Variants in DAGLA observed in about 807,000 individuals in gnomAD.
DAGLA encodes diacylglycerol lipase-alpha.
Under a neutral mutation model 102.6 loss-of-function variants are expected in DAGLA, and 22 were observed. That is an observed-to-expected ratio of 0.21 (90% CI 0.15 to 0.31). The LOEUF (loss-of-function observed/expected upper bound fraction) is 0.31. Among genes scored for constraint, DAGLA ranks in the 10% least tolerant of loss-of-function variants. The pLI, the probability that DAGLA is intolerant of heterozygous loss-of-function variation, is 1.00. For synonymous variants in DAGLA, 578 were observed against 628.9 expected (o/e 0.92, Z 1.21); for missense variants, 927 against 1,446.6 (o/e 0.64, Z 5.83).
intron 9 of DAGLA, among the ~76,000 whole-genome samples, chr11:61,732,368 T>G (rs1237279284): frequency 6.6e-6 from 1 of 152,184 alleles, no homozygotes; most frequent in Non-Finnish European, 1.5e-5. Context: ...GAGCACCTCA[T>G]GCCCCCTTCC....
intron 13 of DAGLA, among the ~76,000 whole-genome samples, 190 bp downstream of exon 13, chr11:61,736,540 G>A (rs1343605375): frequency 1.3e-5 from 2 of 152,178 alleles, no homozygotes; most frequent in Admixed American, 6.5e-5. Flanking sequence ...ATCCTGCTCC[G>A]CCCCACCTAC....
At chr11:61,735,919 C>T in intron 12 of DAGLA, 103 bp downstream of exon 12, 1 of 1,130,920 alleles carries the variant, frequency 8.8e-7, no homozygotes, top group Non-Finnish European at 1.2e-6. Context: ...GCTGGGCTCA[C>T]TGGAAGAGAT....
intron 1 of DAGLA, among the ~76,000 whole-genome samples, chr11:61,696,032 C>G (rs1020434931): frequency 6.6e-6 from 1 of 152,234 alleles, no homozygotes; most frequent in Non-Finnish European, 1.5e-5. Flanking sequence ...GCGGAGGCCT[C>G]GCTCCAGGAC....
At chr11:61,717,279 C>T (rs2065242980) in intron 1 of DAGLA, among the ~76,000 whole-genome samples, 1 of 152,172 alleles carries the variant, frequency 6.6e-6, no homozygotes, top group African/African-American at 2.4e-5. Context: ...CCATTCAAGG[C>T]CCTTAAAAAT....
Position 61,722,902 on chromosome 11 carries a change from C to T in DAGLA, c.351C>T (p.Val117=), listed in dbSNP as rs756347287. The change falls in exon 4 of 20, where the codon GTC becomes GTT. Residue 117 remains valine (V), a synonymous_variant. Transcript: ENST00000257215. ...TCATCTACGCCATCGTGGGCATCGT[C>T]TGGCTCACTCAGTACTACACCTCCT... ...IEFIYAIVGI[V]WLTQYYTSCN... is the part of the protein sequence containing the mutation. 1.4e-5 allele frequency: 23 copies of T among 1,614,052 alleles called. No homozygotes were observed. Among genetic ancestry groups the T allele is most frequent in the Non-Finnish European group, 1.9e-5 (22 of 1,180,020 alleles).
chr11:61,710,671 A>G (rs1424947679), intron 1 of DAGLA, among the ~76,000 whole-genome samples: 2 of 152,094 alleles, frequency 1.3e-5, no homozygotes, highest in African/African-American at 2.4e-5. Flanking sequence ...TGGAAGGGTG[A>G]GGGCAGGTGT....
chr11:61,726,144 G>A, intron 6 of DAGLA, 62 bp downstream of exon 6: 1 of 1,508,300 alleles, frequency 6.6e-7, no homozygotes, highest in Non-Finnish European at 9.1e-7. Context: ...TTAAGGGGCT[G>A]TTGGCTCCTT....
At chr11:61,688,289 T>C (rs2065000507) in intron 1 of DAGLA, among the ~76,000 whole-genome samples, 1 of 136,346 alleles carries the variant, frequency 7.3e-6, no homozygotes, top group South Asian at 2.3e-4. Flanking sequence ...CACTCCAGCC[T>C]GGGTGACAGA....
chr11:61,741,259 T>A lies in DAGLA; in HGVS notation c.2081T>A (p.Phe694Tyr). ...GTGGACCTGACTCCTGAGCTCATCT[T>A]CCAGCAGCAGCCACTCCCCACGGGG... ...TEVDLTPELI[F>Y]QQQPLPTGPP... The change falls in exon 19 of 20, where the codon TTC (phenylalanine) becomes TAC (tyrosine). Residue 694 changes from phenylalanine to tyrosine, a missense_variant. Physicochemically the swap from Phe to Tyr is conservative, Grantham distance 22 (BLOSUM62 3). This residue lies in a region of DAGLA where 434 missense variants were observed against 503.3 expected (regional missense o/e 0.86). Coordinates refer to ENST00000257215, the MANE Select transcript of DAGLA (RefSeq NM_006133.3). The A allele has an allele frequency of 1.2e-6, 2 of 1,613,252 alleles. No individual in the cohort carries two copies. Among genetic ancestry groups the A allele is most frequent in the South Asian group, 2.2e-5 (2 of 91,086 alleles).
In DAGLA at chr11:61,686,751, C is replaced by G. The variant is rs965111511; in HGVS notation, c.-45+6247C>G. Among the ~76,000 whole-genome samples the G allele has an allele frequency of 4.6e-5, 7 of 152,196 alleles. No homozygotes were observed. The highest frequency in any genetic ancestry group is 1.7e-4 in the African/African-American group (7 of 41,448). On this transcript the variant is annotated intron_variant, in intron 1 of 19. Transcript: ENST00000257215. The surrounding 1 kb of genome is among the most constrained non-coding windows in gnomAD (Gnocchi z 5.2). Reference sequence around the variant, plus strand: ...CTGAATGGGCCCCTCGTCATTGTCTCTCCTGGAGCCATTTAATTAATTGAT... The same window carrying G: ...CTGAATGGGCCCCTCGTCATTGTCTGTCCTGGAGCCATTTAATTAATTGAT...
intron 18 of DAGLA, among the ~76,000 whole-genome samples, chr11:61,740,956 A>G (rs751072295): frequency 1.3e-5 from 2 of 152,094 alleles, no homozygotes; most frequent in African/African-American, 2.4e-5. Context: ...GGGCAGGAGC[A>G]CTCGCCGGGC....
chr11:61,718,935 G>A (rs1368906719), intron 1 of DAGLA, among the ~76,000 whole-genome samples: 4 of 152,118 alleles, frequency 2.6e-5, no homozygotes, highest in Non-Finnish European at 5.9e-5. Context: ...CGGGCTCCTC[G>A]GACACACATT....
intron 4 of DAGLA, 125 bp from the exon 5 acceptor site, chr11:61,723,309 A>G: frequency 7.4e-7 from 1 of 1,344,446 alleles, no homozygotes; most frequent in South Asian, 1.4e-5. Flanking sequence ...GGGGCTTTGG[A>G]GCCTGGCTTT....
chr11:61,723,349 G>C (rs747549439), intron 4 of DAGLA, 85 bp from the exon 5 acceptor site: 15 of 1,543,266 alleles, frequency 9.7e-6, no homozygotes, highest in Non-Finnish European at 1.2e-5. Context: ...GGTTAGGGAG[G>C]CTCCAATGTC....
chr11:61,724,562 C>T (rs1591043904), intron 5 of DAGLA, among the ~76,000 whole-genome samples: 1 of 152,296 alleles, frequency 6.6e-6, no homozygotes, highest in East Asian at 1.9e-4. Context: ...ACCCCCGCTG[C>T]CCGGCAGGAA....
intron 1 of DAGLA, among the ~76,000 whole-genome samples, chr11:61,681,304 A>G (rs1381552302): frequency 2.6e-5 from 4 of 152,128 alleles, no homozygotes; most frequent in Non-Finnish European, 5.9e-5. Flanking sequence ...AGAAGCTTCT[A>G]CCACAAGGGC....
chr11:61,733,662 C>T (rs970983683), intron 9 of DAGLA, among the ~76,000 whole-genome samples: 3 of 152,200 alleles, frequency 2.0e-5, no homozygotes, highest in Non-Finnish European at 4.4e-5. Context: ...CAGGCTGCCT[C>T]ATTCATTTCT....
At chr11:61,682,918 CT>C (rs1403225341) in intron 1 of DAGLA, among the ~76,000 whole-genome samples, 6 of 152,134 alleles carry the variant, frequency 3.9e-5, no homozygotes, top group Non-Finnish European at 7.4e-5. Context: ...ACAGGCACCT[CT>C]GAGGGCAGAC....
intron 5 of DAGLA, among the ~76,000 whole-genome samples, 196 bp from the exon 6 acceptor site, chr11:61,725,799 G>C (rs1354450247): frequency 6.6e-6 from 1 of 152,188 alleles, no homozygotes; most frequent in East Asian, 1.9e-4. Context: ...TGTCAGGGAG[G>C]GCCCCTGCTG....
Sources: allele counts gnomAD v4.1 joint callset (sites outside exome capture counted in the v4.1 genomes callset), GRCh38; gene constraint gnomAD v4.1.1; regional missense constraint gnomAD v4.1.1; non-coding constraint Gnocchi (gnomAD v3.1); transcripts MANE v1.5; gene names NCBI Gene and HGNC (gene_info 2026-07-23, HGNC 2026-07-21).